The following FYN variants were observed in gnomAD, a reference collection of about 807,000 sequenced individuals.
FYN encodes FYN proto-oncogene, Src family tyrosine kinase.
A neutral mutation model predicts 70.2 loss-of-function variants in FYN; 10 were observed. The ratio of observed to expected loss-of-function variants is 0.14; its 90% confidence interval spans 0.09 to 0.24. The LOEUF is 0.24. Among genes scored for constraint, FYN ranks in the 10% least tolerant of loss-of-function variants. The pLI is 1.00. For synonymous variants in FYN, 236 were observed against 248.6 expected, an observed-to-expected ratio of 0.95 and a Z score of 0.48; for missense variants, 319 against 673.1, an observed-to-expected ratio of 0.47 and a Z score of 5.82.
At chr6:111,717,548 G>A (rs1286682501) in intron 4 of FYN, among the ~76,000 whole-genome samples, 3 of 151,616 alleles carry the variant, frequency 2.0e-5, no homozygotes, top group South Asian at 2.1e-4. Flanking sequence ...TGCAGCCTCC[G>A]CCTCCCGGGT....
At chr6:111,756,897 C>CAAG (rs1802761872) in intron 3 of FYN, among the ~76,000 whole-genome samples, 2 of 152,166 alleles carry the variant, frequency 1.3e-5, no homozygotes, top group Non-Finnish European at 2.9e-5. Context: ...AACAGCCTTC[C>CAAG]CTTTAAAATC....
At chr6:111,850,014 C>T (rs1773640174) in intron 1 of FYN, among the ~76,000 whole-genome samples, 1 of 152,118 alleles carries the variant, frequency 6.6e-6, no homozygotes, top group African/African-American at 2.4e-5. Flanking sequence ...CTGGTGATGG[C>T]TGGAGGAAGG....
At chr6:111,770,996 T>A (rs569433782) in intron 3 of FYN, among the ~76,000 whole-genome samples, 2 of 152,248 alleles carry the variant, frequency 1.3e-5, no homozygotes, top group Non-Finnish European at 2.9e-5. Flanking sequence ...TTCAGGCGGT[T>A]AAAGTGTAAA....
chr6:111,819,537 T>C (rs934389359), intron 2 of FYN, among the ~76,000 whole-genome samples: 1 of 152,200 alleles, frequency 6.6e-6, no homozygotes, highest in African/African-American at 2.4e-5. Flanking sequence ...ACATAGTACT[T>C]GAACTGCCTT....
chr6:111,764,091 G>C (rs1242753799), intron 3 of FYN, among the ~76,000 whole-genome samples: 1 of 151,710 alleles, frequency 6.6e-6, no homozygotes, highest in Non-Finnish European at 1.5e-5. Context: ...ATCACTGTTG[G>C]AGCTGGGTGA....
chr6:111,806,523 C>T (rs1772155402), intron 2 of FYN, among the ~76,000 whole-genome samples: 1 of 152,180 alleles, frequency 6.6e-6, no homozygotes, highest in East Asian at 1.9e-4. Flanking sequence ...AAGGAAAAGG[C>T]TTGAAACAAA....
At chr6:111,792,510 C>T (rs1054866090) in intron 2 of FYN, among the ~76,000 whole-genome samples, 1 of 152,170 alleles carries the variant, frequency 6.6e-6, no homozygotes, top group Non-Finnish European at 1.5e-5. Flanking sequence ...CTGATATGCA[C>T]AAGAATGATC....
At chr6:111,662,461 A>C (rs1391760401) in intron 13 of FYN, among the ~76,000 whole-genome samples, 6 of 152,180 alleles carry the variant, frequency 3.9e-5, no homozygotes, top group Non-Finnish European at 7.3e-5. Flanking sequence ...GTACAAAACA[A>C]ACACAGGTTG....
chr6:111,731,528 C>G (rs1000084536), intron 3 of FYN, among the ~76,000 whole-genome samples: 1 of 152,232 alleles, frequency 6.6e-6, no homozygotes, highest in Non-Finnish European at 1.5e-5. Flanking sequence ...GCCCAGTCCC[C>G]CGGCCCCTGG....
At chr6:111,698,155 C>A (rs1009018755) in intron 9 of FYN, among the ~76,000 whole-genome samples, 1 of 147,080 alleles carries the variant, frequency 6.8e-6, no homozygotes, top group Non-Finnish European at 1.5e-5. Flanking sequence ...GACGGAGTTT[C>A]GCTTTTGTTG....
chr6:111,766,703 G>GA (rs1803240869), intron 3 of FYN, among the ~76,000 whole-genome samples: 2 of 152,130 alleles, frequency 1.3e-5, no homozygotes, highest in Non-Finnish European at 2.9e-5. Context: ...AGCAAAGAGG[G>GA]AAAAGCCCCT....
intron 2 of FYN, among the ~76,000 whole-genome samples, chr6:111,816,840 T>C (rs542885598): frequency 1.6e-4 from 24 of 152,332 alleles, no homozygotes; most frequent in Non-Finnish European, 2.4e-4. Flanking sequence ...TGTTGCAGTA[T>C]TGGATGTTCA....
At chr6:111,699,677 GAAAGGGAATTAAT>G in intron 9 of FYN, 1 of 1,610,486 alleles carries the variant, frequency 6.2e-7, no homozygotes, top group Non-Finnish European at 8.5e-7. Flanking sequence ...TTCTCTACAG[GAAAGGGAATTAAT>G]AAAGAAAACA....
chr6:111,673,041 C>T (rs1377088866), intron 13 of FYN, among the ~76,000 whole-genome samples: 1 of 152,160 alleles, frequency 6.6e-6, no homozygotes, highest in African/African-American at 2.4e-5. Context: ...CCTTTTCTCC[C>T]CAGTTGCATT....
chr6:111,761,167 G>C (rs1203332435), intron 3 of FYN, among the ~76,000 whole-genome samples: 1 of 152,212 alleles, frequency 6.6e-6, no homozygotes, highest in Non-Finnish European at 1.5e-5. Flanking sequence ...CTAGCACTTG[G>C]TGGCACTTGT....
At chr6:111,732,541 C>T (rs751563926) in intron 3 of FYN, among the ~76,000 whole-genome samples, 22 of 152,278 alleles carry the variant, frequency 1.4e-4, no homozygotes, top group South Asian at 6.2e-4. Context: ...GCTATCCCCT[C>T]GCTGTCCCAC....
At chr6:111,797,844 C>T (rs1281697667) in intron 2 of FYN, among the ~76,000 whole-genome samples, 1 of 151,804 alleles carries the variant, frequency 6.6e-6, no homozygotes, top group Non-Finnish European at 1.5e-5. Flanking sequence ...CTCACTGCAA[C>T]CTCCGCCTCC....
At chr6:111,794,737 T>C (rs1238104992) in intron 2 of FYN, among the ~76,000 whole-genome samples, 2 of 152,248 alleles carry the variant, frequency 1.3e-5, no homozygotes. Context: ...ATATTGTCTA[T>C]GGCTGCTTTC....
In FYN at chr6:111,660,679, T is replaced by G. The variant is rs531706781; in HGVS notation, c.*1060A>C. On this transcript the variant is annotated 3_prime_UTR_variant, in exon 14 of 14. Coordinates refer to ENST00000354650, the MANE Select transcript of FYN (RefSeq NM_002037.5). ...AACACTTATTTTACAATGGGAAATG[T>G]ACAACCCCCACCCTCATTTCCCCCA... 2.6e-5 allele frequency: 4 copies of G among 152,344 alleles called. No individual in the cohort carries two copies. The East Asian group carries it at 7.7e-4, about 29-fold the overall frequency. The allele number at this position is 152,344 out of a possible 1,614,324, so 9.4% of individuals were successfully genotyped here.
Sources: gnomAD v4.1 joint callset for allele counts (sites outside exome capture counted in the v4.1 genomes callset) on GRCh38, gnomAD v4.1.1 for gene constraint, MANE v1.5 for transcripts, NCBI Gene and HGNC (gene_info 2026-07-23, HGNC 2026-07-21) for gene names.